SPG7: variants seen among roughly 807,000 people sequenced by gnomAD.
SPG7 encodes SPG7 matrix AAA peptidase subunit, paraplegin.
SPG7 carries 103 observed loss-of-function variants against 81.9 expected under a neutral mutation model. The observed-to-expected ratio is 1.26, with a 90% CI of 1.07 to 1.48. The LOEUF (loss-of-function observed/expected upper bound fraction) is 1.48, where lower values mean the gene tolerates loss of function less well. Ranked by LOEUF, SPG7 falls within the 40% of genes most tolerant of loss-of-function variation. The pLI is 0.00. For missense variants in SPG7, 1,241 were observed against 1,087.3 expected (o/e 1.14, Z -1.99); for synonymous variants, 534 against 444.2 (o/e 1.20, Z -2.54).
In SPG7 at chr16:89,544,756, A is replaced by T; in HGVS notation, c.1433A>T (p.Asp478Val). The T allele has an allele frequency of 6.2e-7, 1 of 1,613,890 alleles. No individual in the cohort carries two copies. Among genetic ancestry groups the T allele is most frequent in the Middle Eastern group, 1.6e-4 (1 of 6,062 alleles). ...CGACTGGACCGGCACGTCTTCATTG[A>T]TCTCCCCACGCTGCAGGTCAGAGCC... ...PGRLDRHVFI[D>V]LPTLQERREI... is the part of the protein sequence containing the mutation. Residue 478 changes from aspartate to valine, a missense_variant, in exon 10 of 17, where the codon GAT becomes GTT. Transcript: ENST00000645818.
chr16:89,533,511 C>T (rs1183600253), intron 9 of SPG7: 1 of 152,004 alleles, frequency 6.6e-6, no homozygotes, highest in African/African-American at 2.4e-5. Context: ...TGCAGCAAAA[C>T]CCAGAGGGAC....
At position 89,510,433 on chromosome 16, in the gene SPG7, C is replaced by G. The variant is rs184347287; in HGVS notation, c.184-57C>G. 8.8e-4 allele frequency: 962 copies of G among 1,089,968 alleles called. 4 individuals carry two copies. Among genetic ancestry groups the G allele is most frequent in the Admixed American group, 3.0e-3 (173 of 57,074 alleles). 67.5% of individuals were successfully genotyped at this position (1,089,968 alleles called of 1,614,324 possible). ...TAAAAACGATTTTTAGTCTGCATTG[C>G]TTTGGTACTCTCTAATGTTGGTGTG... On this transcript the variant is annotated intron_variant, in intron 1 of 16. Transcript: ENST00000645818.
intron 3 of SPG7, among the ~76,000 whole-genome samples, chr16:89,514,768 G>T (rs1445313446): frequency 6.6e-6 from 1 of 151,988 alleles, no homozygotes; most frequent in African/African-American, 2.4e-5. Flanking sequence ...AAAGTTCTAG[G>T]ATTACAGGCG....
chr16:89,531,876 T>G, intron 7 of SPG7, 28 bp from the exon 8 acceptor site: 10 of 1,613,326 alleles, frequency 6.2e-6, no homozygotes, highest in Non-Finnish European at 8.5e-6. Flanking sequence ...CCCAAGTAGT[T>G]AGTGTTGCAT....
At chr16:89,521,593 A>G (rs1202587627) in intron 3 of SPG7, 1 of 152,198 alleles carries the variant, frequency 6.6e-6, no homozygotes, top group Non-Finnish European at 1.5e-5. Context: ...AATTTAAAAA[A>G]TTAGCCGGGC....
chr16:89,523,997 C>G lies in SPG7; in HGVS notation c.377-9C>G. 6.2e-7 allele frequency: 1 copy of G among 1,611,612 alleles called. No individual in the cohort carries two copies. The highest frequency in any genetic ancestry group is 8.5e-7 in the Non-Finnish European group (1 of 1,179,948). ...TTTGTTTCTCCCTTTTGCTTCTCTG[C>G]CGGCTCAGAGGAGAGGAGACGCCGT... On this transcript the variant is annotated splice_polypyrimidine_tract_variant and intron_variant, in intron 3 of 16. Coordinates refer to ENST00000645818, the MANE Select transcript of SPG7 (RefSeq NM_003119.4).
At chr16:89,537,053 A>C in intron 9 of SPG7, 1 of 1,590,768 alleles carries the variant, frequency 6.3e-7, no homozygotes, top group Non-Finnish European at 8.5e-7. Context: ...CCGCTGACTG[A>C]AGGCCTCTTG....
rs532261070 is a variant in SPG7 at position 89,508,847 on chromosome 16, C to G, written c.183+247C>G. ...AGTCCTCGGCGTGGACTTTCCCAAC[C>G]CGTCTGTTGTGTGTGGATGTTCTCC... On this transcript the variant is annotated intron_variant, in intron 1 of 16. Transcript: ENST00000645818. 2.4e-4 allele frequency: 164 copies of G among 672,766 alleles called. 1 individual carries two copies. In the African/African-American group the frequency reaches 2.8e-3, roughly 11 times the overall value. The allele number at this position is 672,766 out of a possible 1,614,324, so 41.7% of individuals were successfully genotyped here.
chr16:89,543,501 G>T (rs1025086942), intron 9 of SPG7: 3 of 151,468 alleles, frequency 2.0e-5, no homozygotes, highest in Non-Finnish European at 2.9e-5. Context: ...GCCACACCCA[G>T]CTAATTTTTG....
chr16:89,546,582 CCA>C lies in SPG7; in HGVS notation c.1450-73_1450-72del, dbSNP rs1033153625. On this transcript the variant is annotated intron_variant, in intron 10 of 16. Coordinates refer to ENST00000645818, the MANE Select transcript of SPG7 (RefSeq NM_003119.4). Reference sequence around the variant, plus strand: ...CCAGCTACTTGGGGACCCCCCCCCCCCACAGACAAACATGCCGCACCTGTGGC... The same window carrying C: ...CCAGCTACTTGGGGACCCCCCCCCCCCAGACAAACATGCCGCACCTGTGGC... 10 of 976,108 alleles carry C rather than the reference CCA, an allele frequency of 1.0e-5. No homozygotes were observed. In the African/African-American group the frequency reaches 1.1e-4, roughly 11 times the overall value. 60.5% of individuals were successfully genotyped at this position (976,108 alleles called of 1,614,324 possible). A position where few individuals can be genotyped will look rare whatever the true frequency, so the allele number is the denominator to read the frequency against.
intron 3 of SPG7, chr16:89,519,617 G>C (rs1299419208): frequency 6.6e-6 from 1 of 151,890 alleles, no homozygotes; most frequent in Non-Finnish European, 1.5e-5. Flanking sequence ...CCCGACCTCA[G>C]GTGATGCACC....
chr16:89,520,110 C>CCT (rs1403977004), intron 3 of SPG7: 16 of 152,306 alleles, frequency 1.1e-4, no homozygotes. Context: ...GCAGCAGGTG[C>CCT]TGAGGTCACA....
chr16:89,508,390 A>G (rs1251124960), upstream of SPG7: 5 of 1,460,662 alleles, frequency 3.4e-6, 1 homozygote, highest in South Asian at 5.2e-5. Flanking sequence ...CGCCCCGCGG[A>G]TCACGCAGGC....
intron 9 of SPG7, chr16:89,544,044 G>A (rs1435935648): frequency 5.8e-5 from 10 of 172,528 alleles, no homozygotes; most frequent in Non-Finnish European, 1.1e-4. Context: ...CATAACACCT[G>A]AACGTTCTTA....
At chr16:89,530,646 T>A in intron 6 of SPG7, 37 bp from the exon 7 acceptor site, 2 of 1,613,994 alleles carry the variant, frequency 1.2e-6, no homozygotes, top group African/African-American at 2.7e-5. Flanking sequence ...ATTTCCTGAC[T>A]TCGCCCAGCT....
chr16:89,528,348 C>T (rs2058293598), intron 5 of SPG7, among the ~76,000 whole-genome samples: 1 of 148,778 alleles, frequency 6.7e-6, no homozygotes, highest in South Asian at 2.1e-4. Context: ...GCCAAGATAG[C>T]ACCACTGCAG....
chr16:89,546,575 C>G (rs1040678665), intron 10 of SPG7, 83 bp from the exon 11 acceptor site: 8 of 920,998 alleles, frequency 8.7e-6, no homozygotes, highest in Admixed American at 5.2e-5. Flanking sequence ...TTGGGGACCC[C>G]CCCCCCCCAC....
intron 3 of SPG7, chr16:89,517,113 C>G (rs1285153384): frequency 1.3e-5 from 2 of 152,340 alleles, no homozygotes; most frequent in Admixed American, 6.5e-5. Flanking sequence ...ATAGCTCACT[C>G]CTGTGTTGCT....
intron 11 of SPG7, chr16:89,547,277 T>C: frequency 5.2e-6 from 1 of 193,436 alleles, no homozygotes; most frequent in Non-Finnish European, 1.1e-5. Flanking sequence ...TAGAATTTTG[T>C]GGTTACTAGA....
Sources: allele counts gnomAD v4.1 joint callset (sites outside exome capture counted in the v4.1 genomes callset), GRCh38; gene constraint gnomAD v4.1.1; transcripts MANE v1.5; gene names NCBI Gene and HGNC (gene_info 2026-07-23, HGNC 2026-07-21).